The following PROS1 variants were observed in gnomAD, a reference collection of about 807,000 sequenced individuals.
The protein encoded by PROS1 is protein S.
In PROS1, 29 loss-of-function variants were observed where a neutral mutation model predicts 75.9. The ratio of observed to expected loss-of-function variants is 0.38; its 90% confidence interval spans 0.28 to 0.52. The LOEUF (loss-of-function observed/expected upper bound fraction) is 0.52. PROS1 is among the 20% of genes least tolerant of loss of function. The pLI, the probability that PROS1 is intolerant of heterozygous loss-of-function variation, is 0.83. For missense variants in PROS1, 680 were observed against 810.3 expected (o/e 0.84, Z 1.95); for synonymous variants, 245 against 280.6 (o/e 0.87, Z 1.27).
At chr3:93,874,530 T>C in intron 14 of PROS1, 125 bp from the exon 15 acceptor site, 2 of 1,280,566 alleles carry the variant, frequency 1.6e-6, no homozygotes, top group Non-Finnish European at 2.2e-6. Context: ...AAGTTAATAG[T>C]GAAATTCTAT....
chr3:93,902,888 G>T (rs1024551847), intron 6 of PROS1, among the ~76,000 whole-genome samples: 1 of 151,906 alleles, frequency 6.6e-6, no homozygotes, highest in Non-Finnish European at 1.5e-5. Flanking sequence ...TTGTGGTTTT[G>T]GTTTGTTTGT....
At chr3:93,903,590 G>C (rs1488933962) in intron 6 of PROS1, among the ~76,000 whole-genome samples, 3 of 152,096 alleles carry the variant, frequency 2.0e-5, no homozygotes, top group Admixed American at 2.0e-4. Flanking sequence ...GGATCTCCCA[G>C]GAGGTTGAGG....
At chr3:93,972,567 G>A (rs1709895034) in intron 1 of PROS1, among the ~76,000 whole-genome samples, 1 of 152,036 alleles carries the variant, frequency 6.6e-6, no homozygotes, top group African/African-American at 2.4e-5. Flanking sequence ...GGCCAGGTGC[G>A]GTGGCTCACG....
intron 1 of PROS1, among the ~76,000 whole-genome samples, chr3:93,963,882 C>T (rs181175101): frequency 1.3e-5 from 2 of 152,298 alleles, no homozygotes; most frequent in Non-Finnish European, 2.9e-5. Flanking sequence ...CCTCCCCTCC[C>T]CTTCCGTTCC....
chr3:93,893,256 T>C, intron 9 of PROS1, 134 bp from the exon 10 acceptor site: 1 of 855,984 alleles, frequency 1.2e-6, no homozygotes, highest in Non-Finnish European at 1.9e-6. Context: ...CTGGAATTAA[T>C]AAAAGAGAAG....
chr3:93,898,589 C>T lies in PROS1; in HGVS notation c.728-20G>A, dbSNP rs78230833. 6,740 of 1,610,446 alleles carry T rather than the reference C, an allele frequency of 4.2e-3. 39 individuals carry two copies. The highest frequency in any genetic ancestry group is 4.6e-3 in the Non-Finnish European group (5,466 of 1,177,478). On this transcript the variant is annotated intron_variant, in intron 7 of 14. Coordinates refer to ENST00000394236, the MANE Select transcript of PROS1 (RefSeq NM_000313.4). ...CTATATCTGAGGTAAAAAAAACACACGCACACAAACTTTAATATCCCCTAA... is the reference window on the plus strand; with the variant it reads ...CTATATCTGAGGTAAAAAAAACACATGCACACAAACTTTAATATCCCCTAA...
At chr3:93,917,363 G>A (rs1708872500) in intron 3 of PROS1, among the ~76,000 whole-genome samples, 2 of 152,124 alleles carry the variant, frequency 1.3e-5, no homozygotes, top group African/African-American at 4.8e-5. Flanking sequence ...GCAGTGGCAC[G>A]ATCTTGGCTC....
chr3:93,965,372 C>A (rs1430772462), intron 1 of PROS1, among the ~76,000 whole-genome samples: 3 of 152,194 alleles, frequency 2.0e-5, no homozygotes, highest in African/African-American at 7.2e-5. Context: ...GCGAGGCGCC[C>A]ATTGCCGCTC....
At chr3:93,876,696 T>C (rs757803574) in intron 14 of PROS1, among the ~76,000 whole-genome samples, 3 of 151,528 alleles carry the variant, frequency 2.0e-5, no homozygotes, top group African/African-American at 2.4e-5. Flanking sequence ...TATAAGACTA[T>C]TGTGATGATG....
At chr3:93,892,328 C>CA (rs568839992) in intron 10 of PROS1, among the ~76,000 whole-genome samples, 4,411 of 135,426 alleles carry the variant, frequency 0.033, 96 homozygotes, top group Non-Finnish European at 0.051. Context: ...GAGACTGTCT[C>CA]AAAAAAAAAA....
chr3:93,910,701 A>G lies in PROS1; in HGVS notation c.264T>C (p.Cys88=). ...ATAACCCAGTTTGAAAAGAGCGAAG[A>G]CAAACTGAAAATAAAAACAAACATA... The part of the protein sequence containing the change: ...TDYFYPKYLV[C]LRSFQTGLFT... The change falls in exon 4 of 15, where the codon TGT becomes TGC. Residue 88 remains cysteine (C), a synonymous_variant. Coordinates refer to ENST00000394236, the MANE Select transcript of PROS1 (RefSeq NM_000313.4). The G allele has an allele frequency of 6.2e-7, 1 of 1,611,200 alleles. No homozygotes were observed. The highest frequency in any genetic ancestry group is 8.5e-7 in the Non-Finnish European group (1 of 1,177,934).
intron 1 of PROS1, among the ~76,000 whole-genome samples, chr3:93,970,908 G>A (rs776667106): frequency 1.4e-4 from 22 of 152,130 alleles, no homozygotes; most frequent in Non-Finnish European, 5.9e-5. Context: ...GCTGATGGGA[G>A]GATTCCTTGA....
rs189883848 is a variant in PROS1 at position 93,893,067 on chromosome 3, C to T, written c.1021G>A (p.Ala341Thr). ...TYDSEGVILY[A>T]ESIDHSAWLL... ...CACGCTGAGTGATCGATAGATTCTG[C>T]GTACAGTATCACGCCTTCTGAATCA... Residue 341 changes from alanine to threonine, a missense_variant, in exon 10 of 15, where the codon GCA becomes ACA. Ala to Thr is a moderately conservative substitution (Grantham distance 58). Transcript: ENST00000394236. 6.8e-4 allele frequency: 1,102 copies of T among 1,614,010 alleles called. 10 individuals are homozygous for T. The highest frequency in any genetic ancestry group is 1.4e-4 in the Non-Finnish European group (169 of 1,179,958).
At chr3:93,923,666 T>G (rs1280899534) in intron 3 of PROS1, among the ~76,000 whole-genome samples, 1 of 152,102 alleles carries the variant, frequency 6.6e-6, no homozygotes, top group Non-Finnish European at 1.5e-5. Flanking sequence ...TTTGGGAGGC[T>G]GAGGAGAGTG....
intron 1 of PROS1, among the ~76,000 whole-genome samples, chr3:93,941,221 T>C (rs1354043433): frequency 6.6e-6 from 1 of 152,178 alleles, no homozygotes; most frequent in African/African-American, 2.4e-5. Flanking sequence ...ATGACCTACT[T>C]TGTAGCCCTG....
intron 1 of PROS1, among the ~76,000 whole-genome samples, chr3:93,953,117 C>G (rs879152667): frequency 1.3e-5 from 2 of 152,138 alleles, no homozygotes; most frequent in African/African-American, 4.8e-5. Context: ...AGACCAGAAC[C>G]AGACGGATTC....
At chr3:93,951,256 C>T (rs1270755034) in intron 1 of PROS1, among the ~76,000 whole-genome samples, 5 of 152,064 alleles carry the variant, frequency 3.3e-5, no homozygotes, top group African/African-American at 9.7e-5. Flanking sequence ...GCCAGAAAGA[C>T]ACTCCTCGAG....
At chr3:93,883,941 C>T (rs1708310002) in intron 12 of PROS1, among the ~76,000 whole-genome samples, 1 of 152,154 alleles carries the variant, frequency 6.6e-6, no homozygotes, top group African/African-American at 2.4e-5. Context: ...CAAAGTGAGA[C>T]TCCATCTCAA....
chr3:93,881,172 A>G (rs745597259), intron 12 of PROS1, among the ~76,000 whole-genome samples: 3 of 152,146 alleles, frequency 2.0e-5, no homozygotes, highest in Admixed American at 6.6e-5. Flanking sequence ...AAACATAAAA[A>G]TTAGCAAGGC....
Sources: gnomAD v4.1 joint callset for allele counts (sites outside exome capture counted in the v4.1 genomes callset) on GRCh38, gnomAD v4.1.1 for gene constraint, MANE v1.5 for transcripts, NCBI Gene and HGNC (gene_info 2026-07-23, HGNC 2026-07-21) for gene names.